NAV1: variants seen among roughly 807,000 people sequenced by gnomAD.
NAV1 encodes pore membrane and/or filament interacting like protein 3.
Under a neutral mutation model 175.2 loss-of-function variants are expected in NAV1, and 18 were observed. That is an observed-to-expected ratio of 0.10 (90% confidence interval 0.07 to 0.15). The LOEUF is 0.15. Among genes scored for constraint, NAV1 ranks in the 10% least tolerant of loss-of-function variants. The probability of loss-of-function intolerance (pLI) is 1.00; values close to 1 mark genes in which losing one functional copy is unlikely to be tolerated. For synonymous variants in NAV1, 897 were observed against 978.7 expected (o/e 0.92, Z 1.56); for missense variants, 1,731 against 2,436.6 (o/e 0.71, Z 6.10).
At chr1:201,562,013 G>A (rs192030377) in intron 1 of NAV1, among the ~76,000 whole-genome samples, 5 of 152,024 alleles carry the variant, frequency 3.3e-5, no homozygotes, top group East Asian at 1.9e-4. Context: ...TTTATTTTTC[G>A]GTTTTTTTAG....
intron 3 of NAV1, among the ~76,000 whole-genome samples, chr1:201,763,264 C>T (rs1432251925): frequency 6.6e-6 from 1 of 152,222 alleles, no homozygotes; most frequent in Non-Finnish European, 1.5e-5. Context: ...AGTACACTAA[C>T]TCAACTGTAG....
rs965854225 is a variant in NAV1 at position 201,592,066 on chromosome 1, C to T, written c.-33+3417C>T. 3.3e-5 allele frequency among the ~76,000 whole-genome samples: 5 copies of T among 152,228 alleles called. 1 individual carries two copies. Among genetic ancestry groups the T allele is most frequent in the Admixed American group, 2.6e-4 (4 of 15,294 alleles). ...ACAGTCTGCAGAGGTGTCTTCTCTC[C>T]CTCCCCTCTCAAGCCCCCACTCTCC... On this transcript the variant is annotated intron_variant, in intron 2 of 33. Coordinates refer to the NAV1 transcript ENST00000685211.
At chr1:201,760,715 A>G (rs1215133080) in intron 3 of NAV1, among the ~76,000 whole-genome samples, 1 of 152,210 alleles carries the variant, frequency 6.6e-6, no homozygotes, top group East Asian at 1.9e-4. Context: ...ACAGAGTGTT[A>G]TGGTGAATCT....
At chr1:201,560,386 A>G (rs1666163820) in intron 1 of NAV1, among the ~76,000 whole-genome samples, 1 of 152,188 alleles carries the variant, frequency 6.6e-6, no homozygotes, top group Non-Finnish European at 1.5e-5. Context: ...AGCCAGCGCC[A>G]GCTTCCCCTC....
At chr1:201,815,206 T>G (rs1042623518) in intron 28 of NAV1, among the ~76,000 whole-genome samples, 1 of 152,124 alleles carries the variant, frequency 6.6e-6, no homozygotes, top group East Asian at 1.9e-4. Context: ...AAATGTGGTA[T>G]ATATACACAC....
intron 16 of NAV1, 67 bp from the exon 21 acceptor site, chr1:201,804,422 T>G (rs774518166): frequency 5.6e-5 from 83 of 1,469,734 alleles, no homozygotes; most frequent in Non-Finnish European, 7.6e-5. Flanking sequence ...GTGAAATGAG[T>G]GATTAAGTGT....
Position 201,718,610 on chromosome 1 carries a change from C to T in NAV1, c.1081C>T (p.Arg361Cys), listed in dbSNP as rs751806991. Residue 361 changes from arginine to cysteine, a missense_variant, in exon 3 of 30, where the codon CGC becomes TGC. Arg to Cys is a radical substitution (Grantham distance 180). This residue lies in a region of NAV1 where 487 missense variants were observed against 581.3 expected (regional missense o/e 0.84). Transcript: ENST00000367296. This position sits in a 1 kb window ranked among gnomAD's most constrained non-coding sequence, Gnocchi z 4.8. ...CCACTACTCCCACACCATGCCCATGCGCAGCCCCAGCAAGCTCAGCCATAT... is the reference window on the plus strand; with the variant it reads ...CCACTACTCCCACACCATGCCCATGTGCAGCCCCAGCAAGCTCAGCCATAT... 12 of 1,614,072 alleles carry T rather than the reference C, an allele frequency of 7.4e-6. No homozygotes were observed. Among genetic ancestry groups the T allele is most frequent in the African/African-American group, 6.7e-5 (5 of 74,928 alleles).
rs369779823 is a variant in NAV1 at position 201,563,407 on chromosome 1, G to A, written c.-144+24065G>A. On this transcript the variant is annotated intron_variant, in intron 1 of 33. Transcript: ENST00000685211. ...TCTTTCTGGGAGATGTTGGAACTGG[G>A]CCCAGAGAAAAGCATACGAGACCAC... Among the ~76,000 whole-genome samples, 24 of 151,984 alleles carry A rather than the reference G, an allele frequency of 1.6e-4. No individual in the cohort carries two copies. In the East Asian group the frequency reaches 2.3e-3, roughly 15 times the overall value.
chr1:201,806,310 A>G (rs1196274936), intron 17 of NAV1, among the ~76,000 whole-genome samples: 3 of 152,188 alleles, frequency 2.0e-5, no homozygotes, highest in Non-Finnish European at 2.9e-5. Context: ...CTACATCTGC[A>G]CAGAAAAAGT....
intron 2 of NAV1, among the ~76,000 whole-genome samples, chr1:201,606,878 G>C (rs1667696057): frequency 6.6e-6 from 1 of 152,166 alleles, no homozygotes; most frequent in Non-Finnish European, 1.5e-5. Context: ...GACACTATTG[G>C]AGGACAAACA....
rs116783348 is a variant in NAV1 at position 201,604,345 on chromosome 1, C to T, written c.-33+15696C>T. On this transcript the variant is annotated intron_variant, in intron 2 of 33. Transcript: ENST00000685211. ...TGCTGGGATTACAGGTGTGAGCCAC[C>T]GTGCCTGGCTACTATTCCTATTTTA... is the stretch of plus-strand genomic sequence containing the variant. Among the ~76,000 whole-genome samples the T allele has an allele frequency of 2.2e-3, 334 of 152,232 alleles. 3 individuals are homozygous for T. Among genetic ancestry groups the T allele is most frequent in the African/African-American group, 7.7e-3 (319 of 41,546 alleles).
At chr1:201,685,499 C>T (rs1057119091) in intron 1 of NAV1, among the ~76,000 whole-genome samples, 10 of 152,162 alleles carry the variant, frequency 6.6e-5, no homozygotes, top group African/African-American at 2.4e-4. Context: ...AGAAGGTGTC[C>T]ATTACCCCAT....
chr1:201,712,268 A>G (rs1263947996), intron 1 of NAV1, among the ~76,000 whole-genome samples: 1 of 152,172 alleles, frequency 6.6e-6, no homozygotes, highest in African/African-American at 2.4e-5. Flanking sequence ...CCCCAGAGCC[A>G]ATTGTTAGCC....
chr1:201,618,372 G>A (rs923638383), upstream of NAV1, among the ~76,000 whole-genome samples: 4 of 152,192 alleles, frequency 2.6e-5, no homozygotes, highest in Non-Finnish European at 5.9e-5. Context: ...AGCGTATGAG[G>A]TGGTTGGGGA....
chr1:201,574,879 G>A (rs933872416), intron 1 of NAV1, among the ~76,000 whole-genome samples: 3 of 152,202 alleles, frequency 2.0e-5, no homozygotes, highest in Admixed American at 6.5e-5. Flanking sequence ...CACATTGCTC[G>A]GCCTCTGCTC....
At chr1:201,702,387 A>G (rs2102445070) in intron 1 of NAV1, among the ~76,000 whole-genome samples, 1 of 152,268 alleles carries the variant, frequency 6.6e-6, no homozygotes, top group South Asian at 2.1e-4. Flanking sequence ...TATTTTTGAG[A>G]TGGAGTTTCA....
intron 1 of NAV1, among the ~76,000 whole-genome samples, chr1:201,684,514 G>A (rs532198094): frequency 6.9e-5 from 9 of 130,768 alleles, no homozygotes; most frequent in Admixed American, 9.0e-5. Flanking sequence ...CACTCTTGTC[G>A]CCCAGGCTGG....
At chr1:201,815,039 C>CAA (rs554042432) in intron 28 of NAV1, among the ~76,000 whole-genome samples, 35 of 76,026 alleles carry the variant, frequency 4.6e-4, no homozygotes, top group Non-Finnish European at 6.1e-4. Flanking sequence ...GACTCTGTCT[C>CAA]AAAAAAAAAA....
chr1:201,558,388 T>C (rs1418311780), intron 1 of NAV1, among the ~76,000 whole-genome samples: 1 of 152,216 alleles, frequency 6.6e-6, no homozygotes. Flanking sequence ...TCTTTGGGAA[T>C]TGAATGGAAC....
Sources: allele counts gnomAD v4.1 joint callset (sites outside exome capture counted in the v4.1 genomes callset), GRCh38; gene constraint gnomAD v4.1.1; regional missense constraint gnomAD v4.1.1; non-coding constraint Gnocchi (gnomAD v3.1); transcripts MANE v1.5; gene names NCBI Gene and HGNC (gene_info 2026-07-23, HGNC 2026-07-21).